SNTG1: variants seen among roughly 807,000 people sequenced by gnomAD.
The protein encoded by SNTG1 is syntrophin gamma 1, also known as gamma-1-syntrophin.
SNTG1 carries 39 observed loss-of-function variants against 74.7 expected under a neutral mutation model. The observed-to-expected ratio is 0.52, with a 90% CI of 0.40 to 0.68. The LOEUF (loss-of-function observed/expected upper bound fraction) is 0.68. Ranked by LOEUF, SNTG1 falls within the 30% of genes least tolerant of loss-of-function variation. SNTG1 has a pLI of 0.00. For synonymous variants in SNTG1, 254 were observed against 217.1 expected (o/e 1.17, Z -1.49); for missense variants, 685 against 609.5 (o/e 1.12, Z -1.30).
At chr8:50,441,183 G>A (rs981205392) in intron 5 of SNTG1, among the ~76,000 whole-genome samples, 2 of 152,066 alleles carry the variant, frequency 1.3e-5, no homozygotes, top group Non-Finnish European at 2.9e-5. Flanking sequence ...TGGGCTGTGG[G>A]CAACATGAAG....
At position 49,993,918 on chromosome 8, in the gene SNTG1, G is replaced by A. The variant is rs1813930672; in HGVS notation, c.-103+81687G>A. ...GAAACATTAGAACCATTATATTCCT[G>A]TTGAAAATACCTTTGAATTCTTAAG... On this transcript the variant is annotated intron_variant, in intron 1 of 18. Coordinates refer to ENST00000642720, the MANE Select transcript of SNTG1 (RefSeq NM_018967.5). Among the ~76,000 whole-genome samples the A allele has an allele frequency of 2.0e-5, 3 of 152,112 alleles. No individual in the cohort carries two copies. The South Asian group carries it at 6.2e-4, about 31-fold the overall frequency.
At chr8:50,492,430 A>T (rs1022706049) in intron 8 of SNTG1, among the ~76,000 whole-genome samples, 2 of 152,122 alleles carry the variant, frequency 1.3e-5, no homozygotes, top group African/African-American at 4.8e-5. Flanking sequence ...AGTGATTGCT[A>T]TTCTAACCGG....
chr8:50,708,696 A>G (rs2095452597), intron 16 of SNTG1, 190 bp from the exon 17 acceptor site: 1 of 553,608 alleles, frequency 1.8e-6, no homozygotes, highest in Non-Finnish European at 3.2e-6. Context: ...CAAGTTAAAT[A>G]AAACCCAACA....
chr8:50,180,410 A>T (rs978290805), intron 2 of SNTG1, among the ~76,000 whole-genome samples: 1 of 152,190 alleles, frequency 6.6e-6, no homozygotes, highest in African/African-American at 2.4e-5. Context: ...TTCTGAAGAG[A>T]GTAGACTTTA....
At chr8:50,634,829 A>T (rs1424650778) in intron 13 of SNTG1, among the ~76,000 whole-genome samples, 1 of 152,180 alleles carries the variant, frequency 6.6e-6, no homozygotes, top group African/African-American at 2.4e-5. Context: ...TTGTATAAAC[A>T]TCCTCATCTC....
chr8:50,061,029 T>C (rs1820425490), intron 1 of SNTG1, among the ~76,000 whole-genome samples: 1 of 152,148 alleles, frequency 6.6e-6, no homozygotes, highest in Admixed American at 6.6e-5. Context: ...TTTTGTTCTG[T>C]CTTTGGTGTT....
At chr8:50,199,218 CTTT>C (rs879822781) in intron 2 of SNTG1, among the ~76,000 whole-genome samples, 12 of 133,436 alleles carry the variant, frequency 9.0e-5, no homozygotes, top group Admixed American at 2.3e-4. Context: ...ACTTAATTTC[CTTT>C]TTTTTTTTTT....
chr8:50,386,156 A>T (rs2092570705), intron 2 of SNTG1, among the ~76,000 whole-genome samples: 1 of 152,152 alleles, frequency 6.6e-6, no homozygotes. Flanking sequence ...GAGCAAGTCA[A>T]TTCTAATTAC....
At chr8:50,693,904 A>G (rs2095393364) in intron 15 of SNTG1, among the ~76,000 whole-genome samples, 1 of 152,188 alleles carries the variant, frequency 6.6e-6, no homozygotes, top group African/African-American at 2.4e-5. Flanking sequence ...AAAATTTCTT[A>G]AGACAAATGA....
chr8:50,520,453 A>C (rs2094170209), intron 9 of SNTG1, among the ~76,000 whole-genome samples: 1 of 152,220 alleles, frequency 6.6e-6, no homozygotes, highest in Non-Finnish European at 1.5e-5. Context: ...GCTCAAATTA[A>C]ACTAAAGAGC....
At chr8:49,996,007 T>G (rs1398503372) in intron 1 of SNTG1, among the ~76,000 whole-genome samples, 1 of 152,150 alleles carries the variant, frequency 6.6e-6, no homozygotes, top group East Asian at 1.9e-4. Context: ...AAACTGCAAG[T>G]AGAACTCTCA....
At chr8:50,262,295 A>C (rs1215714680) in intron 2 of SNTG1, among the ~76,000 whole-genome samples, 1 of 152,250 alleles carries the variant, frequency 6.6e-6, no homozygotes, top group South Asian at 2.1e-4. Flanking sequence ...AGGAAACTAT[A>C]GAAATAAGAG....
In SNTG1 at chr8:50,385,720, C is replaced by G. The variant is rs536739310; in HGVS notation, c.-27-8492C>G. Among the ~76,000 whole-genome samples, 431 of 152,176 alleles carry G rather than the reference C, an allele frequency of 2.8e-3. 3 individuals are homozygous for G. Among genetic ancestry groups the G allele is most frequent in the Non-Finnish European group, 5.4e-3 (367 of 68,002 alleles). On this transcript the variant is annotated intron_variant, in intron 2 of 18. Transcript: ENST00000642720. ...TGAAAGCAAACTGCTTCTGATGGGC[C>G]TTATGGACAGGAATGGAGAAAAAGG...
intron 18 of SNTG1, among the ~76,000 whole-genome samples, chr8:50,774,281 T>C (rs561558150): frequency 1.3e-5 from 2 of 151,936 alleles, no homozygotes; most frequent in South Asian, 4.1e-4. Context: ...GTGAACTCCA[T>C]GTAGAATAAA....
intron 1 of SNTG1, among the ~76,000 whole-genome samples, chr8:49,987,167 G>A (rs184080540): frequency 1.3e-5 from 2 of 152,274 alleles, no homozygotes; most frequent in African/African-American, 4.8e-5. Context: ...CAGGAGGGGG[G>A]AGTCATATCT....
At chr8:49,979,304 C>T (rs1414969880) in intron 1 of SNTG1, among the ~76,000 whole-genome samples, 1 of 152,154 alleles carries the variant, frequency 6.6e-6, no homozygotes, top group Admixed American at 6.5e-5. Context: ...CCCCGCGCCA[C>T]GACAGCCCAG....
intron 2 of SNTG1, among the ~76,000 whole-genome samples, chr8:50,361,440 C>T (rs1482864555): frequency 6.6e-6 from 1 of 152,124 alleles, no homozygotes; most frequent in Admixed American, 6.6e-5. Context: ...ACAGGTAAAG[C>T]ATCATAAGCA....
At chr8:50,384,504 A>G (rs1373423512) in intron 2 of SNTG1, among the ~76,000 whole-genome samples, 2 of 152,178 alleles carry the variant, frequency 1.3e-5, no homozygotes, top group Admixed American at 6.5e-5. Context: ...GTGTGGCCCA[A>G]TACAATAAAC....
Position 50,474,287 on chromosome 8 carries a change from C to T in SNTG1, c.363+23558C>T, listed in dbSNP as rs142139952. Among the ~76,000 whole-genome samples, 273 of 151,558 alleles carry T rather than the reference C, an allele frequency of 1.8e-3. 4 individuals carry two copies. The highest frequency in any genetic ancestry group is 6.2e-3 in the African/African-American group (258 of 41,324). On this transcript the variant is annotated intron_variant, in intron 8 of 18. Coordinates refer to ENST00000642720, the MANE Select transcript of SNTG1 (RefSeq NM_018967.5). ...AGAAACCACCATCAGAGTGAACAGG[C>T]AACCTACAAAATGGGAGAAAATTTT...
Sources: allele counts gnomAD v4.1 joint callset (sites outside exome capture counted in the v4.1 genomes callset), GRCh38; gene constraint gnomAD v4.1.1; transcripts MANE v1.5; gene names NCBI Gene and HGNC (gene_info 2026-07-23, HGNC 2026-07-21).